The following AMPH variants were observed in gnomAD, a reference collection of about 807,000 sequenced individuals.
The protein encoded by AMPH is amphiphysin (Stiff-Mann syndrome with breast cancer 128kD autoantigen).
In AMPH, 49 loss-of-function variants were observed where a neutral mutation model predicts 99.1. The ratio of observed to expected loss-of-function variants is 0.49; its 90% confidence interval spans 0.39 to 0.63. The LOEUF (loss-of-function observed/expected upper bound fraction) is 0.63, where lower values mean the gene tolerates loss of function less well. Ranked by LOEUF, AMPH falls within the 20% of genes least tolerant of loss-of-function variation. AMPH has a pLI of 0.00. For synonymous variants in AMPH, 314 were observed against 317.3 expected, an observed-to-expected ratio of 0.99 and a Z score of 0.11; for missense variants, 759 against 863.4, an observed-to-expected ratio of 0.88 and a Z score of 1.52.
intron 1 of AMPH, among the ~76,000 whole-genome samples, chr7:38,565,409 T>C (rs902015047): frequency 1.3e-5 from 2 of 152,152 alleles, no homozygotes; most frequent in Non-Finnish European, 2.9e-5. Context: ...CGAGGTGCCA[T>C]CAACTGTTTC....
At chr7:38,548,017 T>C (rs763819551) in intron 1 of AMPH, among the ~76,000 whole-genome samples, 2 of 142,442 alleles carry the variant, frequency 1.4e-5, no homozygotes, top group Non-Finnish European at 1.5e-5. Context: ...AGGAATTTCC[T>C]TGTGGGCAAA....
At chr7:38,514,200 T>C (rs1176032759) in intron 2 of AMPH, among the ~76,000 whole-genome samples, 1 of 152,200 alleles carries the variant, frequency 6.6e-6, no homozygotes, top group African/African-American at 2.4e-5. Context: ...TTGTCTGTCT[T>C]GTTCACTGAA....
chr7:38,400,371 C>T (rs1401880003), intron 17 of AMPH, among the ~76,000 whole-genome samples: 1 of 152,206 alleles, frequency 6.6e-6, no homozygotes, highest in African/African-American at 2.4e-5. Context: ...AGCCACCGTG[C>T]CCAGCCCCTC....
chr7:38,565,999 T>G (rs1170900466), intron 1 of AMPH, among the ~76,000 whole-genome samples: 2 of 152,222 alleles, frequency 1.3e-5, no homozygotes, highest in African/African-American at 4.8e-5. Context: ...ATGAAAATAT[T>G]AACAGGGACC....
At chr7:38,412,496 T>G (rs1248540266) in intron 17 of AMPH, among the ~76,000 whole-genome samples, 1 of 152,232 alleles carries the variant, frequency 6.6e-6, no homozygotes, top group Non-Finnish European at 1.5e-5. Context: ...AGGTGGTTAA[T>G]GAATACTTAA....
chr7:38,476,784 G>T, intron 6 of AMPH, 78 bp downstream of exon 6: 2 of 949,110 alleles, frequency 2.1e-6, no homozygotes, highest in African/African-American at 1.6e-5. Context: ...TATAGAGGAG[G>T]CATTTAATTT....
chr7:38,395,847 T>C (rs6953928), intron 17 of AMPH, among the ~76,000 whole-genome samples: 14,808 of 152,142 alleles, frequency 0.097, 807 homozygotes, highest in East Asian at 0.19. Context: ...GAACCACACA[T>C]CTACACTTAT....
intron 11 of AMPH, among the ~76,000 whole-genome samples, chr7:38,442,603 A>T (rs146383030): frequency 6.6e-6 from 1 of 152,318 alleles, no homozygotes; most frequent in Non-Finnish European, 1.5e-5. Context: ...CTTCTAAATA[A>T]TTCAATGAGT....
rs762956352 is a variant in AMPH at position 38,424,778 on chromosome 7, GA to G, written c.1215+2175del. ...CATAGCCCATCATTGAAACATTTCA[GA>G]AACACTGAAGTAAAAAGAAGATGCT... On this transcript the variant is annotated intron_variant, in intron 15 of 20. Transcript: ENST00000356264. Among the ~76,000 whole-genome samples the G allele has an allele frequency of 3.8e-4, 58 of 152,168 alleles. 1 individual carries two copies. The highest frequency in any genetic ancestry group is 7.2e-4 in the Admixed American group (11 of 15,276).
In AMPH at chr7:38,384,832, G is replaced by A. The variant is rs746689644; in HGVS notation, c.2074C>T (p.Arg692Ter). The change falls in exon 21 of 21, where the codon CGA (arginine) becomes TGA (stop). Residue 692 changes from arginine (R) to a stop codon, truncating the protein, a stop_gained. Transcript: ENST00000356264. LOFTEE classifies it high-confidence loss of function. ...TACTTGTTGCCCTAATCTAAGCGTC[G>A]GGTGAAGTTCTCTGGAAAGAGGCCT... is the stretch of plus-strand genomic sequence containing the variant. ...YKGLFPENFT[R>*]RLD 5.6e-6 allele frequency: 9 copies of A among 1,613,628 alleles called. No individual in the cohort carries two copies. Among genetic ancestry groups the A allele is most frequent in the Non-Finnish European group, 6.8e-6 (8 of 1,179,766 alleles).
chr7:38,414,075 C>T (rs1584057868), intron 17 of AMPH, among the ~76,000 whole-genome samples: 1 of 152,222 alleles, frequency 6.6e-6, no homozygotes, highest in African/African-American at 2.4e-5. Context: ...CTGACACCTA[C>T]AGAGGACTCA....
intron 11 of AMPH, among the ~76,000 whole-genome samples, chr7:38,436,910 T>G (rs80333397): frequency 0.047 from 7,130 of 152,260 alleles, 317 homozygotes; most frequent in African/African-American, 0.11. Flanking sequence ...ACCCCTTGAT[T>G]TGGTTATCAT....
chr7:38,438,242 A>G (rs999161539), intron 11 of AMPH, among the ~76,000 whole-genome samples: 1 of 152,220 alleles, frequency 6.6e-6, no homozygotes, highest in African/African-American at 2.4e-5. Flanking sequence ...TTGCCTTTAA[A>G]GCATTTATCT....
chr7:38,466,189 T>C lies in AMPH; in HGVS notation c.650A>G (p.His217Arg), dbSNP rs201267643. ...KNVSSLEAKF[H>R]KEIAVLCHKL... ...ATGACTCACCACCGCAATTTCCTTA[T>C]GAAACTTGGCTTCAAGGCTGGAGAC... is the stretch of plus-strand genomic sequence containing the variant. Residue 217 changes from histidine (H) to arginine (R), a missense_variant, in exon 8 of 21, where the codon CAT (histidine) becomes CGT (arginine). Physicochemically the swap from His to Arg is conservative, Grantham distance 29. Coordinates refer to ENST00000356264, the MANE Select transcript of AMPH (RefSeq NM_001635.4). 6.7e-5 allele frequency: 107 copies of C among 1,602,882 alleles called. No homozygotes were observed. Among genetic ancestry groups the C allele is most frequent in the Non-Finnish European group, 8.8e-5 (103 of 1,176,848 alleles).
intron 5 of AMPH, among the ~76,000 whole-genome samples, chr7:38,489,221 T>C (rs1234337504): frequency 6.6e-6 from 1 of 151,992 alleles, no homozygotes; most frequent in African/African-American, 2.4e-5. Context: ...TCAAAAAGGG[T>C]GCCAAGAATA....
chr7:38,429,152 G>A, intron 14 of AMPH: 1 of 1,289,808 alleles, frequency 7.8e-7, no homozygotes, highest in Non-Finnish European at 1.0e-6. Flanking sequence ...GACTTTCTTT[G>A]AACAGGCCAG....
At chr7:38,397,886 C>G (rs1239897504) in intron 17 of AMPH, among the ~76,000 whole-genome samples, 1 of 151,920 alleles carries the variant, frequency 6.6e-6, no homozygotes, top group African/African-American at 2.4e-5. Context: ...ACATAAATAG[C>G]AAACAAGTAT....
chr7:38,464,340 T>C (rs1787569408), intron 9 of AMPH, among the ~76,000 whole-genome samples: 1 of 152,198 alleles, frequency 6.6e-6, no homozygotes, highest in Non-Finnish European at 1.5e-5. Context: ...GAAATAACCA[T>C]ACTGAAAACA....
intron 4 of AMPH, among the ~76,000 whole-genome samples, chr7:38,493,059 G>A (rs922177377): frequency 1.4e-4 from 21 of 152,174 alleles, no homozygotes; most frequent in Non-Finnish European, 2.9e-4. Flanking sequence ...GCCAACAAAT[G>A]CTTTCCTCAT....
Sources: gnomAD v4.1 joint callset for allele counts (sites outside exome capture counted in the v4.1 genomes callset) on GRCh38, gnomAD v4.1.1 for gene constraint, MANE v1.5 for transcripts, NCBI Gene and HGNC (gene_info 2026-07-23, HGNC 2026-07-21) for gene names.